MSRA: variants seen among roughly 807,000 people sequenced by gnomAD.
MSRA encodes methionine sulfoxide reductase A.
In MSRA, 54 loss-of-function variants were observed where a neutral mutation model predicts 31.3. That is an observed-to-expected ratio of 1.73 (90% CI 1.39 to 2.17). MSRA has a LOEUF of 2.17. Ranked by LOEUF, MSRA falls within the 30% of genes most tolerant of loss-of-function variation. The pLI, the probability that MSRA is intolerant of heterozygous loss-of-function variation, is 0.00. For missense variants in MSRA, 507 were observed against 300.9 expected (o/e 1.69, Z -5.07); for synonymous variants, 169 against 116.5 (o/e 1.45, Z -2.90).
intron 1 of MSRA, among the ~76,000 whole-genome samples, chr8:10,068,259 G>A (rs115695928): frequency 2.0e-5 from 3 of 152,192 alleles, no homozygotes; most frequent in Non-Finnish European, 4.4e-5. Flanking sequence ...TTTTTTCCCA[G>A]CCTGTGGCTT....
At chr8:10,345,017 T>A (rs1287917721) in intron 5 of MSRA, among the ~76,000 whole-genome samples, 2 of 152,126 alleles carry the variant, frequency 1.3e-5, no homozygotes, top group Non-Finnish European at 2.9e-5. Context: ...AGGGCTCAGT[T>A]GGGAAGATGG....
chr8:10,338,321 TAGAA>T (rs1316876940), intron 5 of MSRA, among the ~76,000 whole-genome samples: 1 of 152,074 alleles, frequency 6.6e-6, no homozygotes, highest in African/African-American at 2.4e-5. Flanking sequence ...AAGCAGGGAA[TAGAA>T]AGGCCAGAGG....
intron 2 of MSRA, among the ~76,000 whole-genome samples, chr8:10,218,133 T>C (rs1032014446): frequency 6.8e-6 from 1 of 146,406 alleles, no homozygotes; most frequent in African/African-American, 2.6e-5. Context: ...TATTTATTTA[T>C]TTATTTATTT....
At chr8:10,173,022 T>A (rs779346456) in intron 1 of MSRA, among the ~76,000 whole-genome samples, 1 of 152,178 alleles carries the variant, frequency 6.6e-6, no homozygotes, top group South Asian at 2.1e-4. Context: ...AAGAATATTC[T>A]AGGTGGAGAG....
chr8:10,054,434 G>C lies in MSRA; in HGVS notation c.-83G>C, dbSNP rs1022338388. 84 of 1,350,876 alleles carry C rather than the reference G, an allele frequency of 6.2e-5. No homozygotes were observed. Among genetic ancestry groups the C allele is most frequent in the Non-Finnish European group, 7.8e-5 (80 of 1,030,618 alleles). 83.7% of individuals were successfully genotyped at this position (1,350,876 alleles called of 1,614,324 possible). Reference sequence around the variant, plus strand: ...CTGCCGCCCCCCGGTTCCGGCCGCGGACCCCACTCTCTGCCGTTCCGGCTG... The same window carrying C: ...CTGCCGCCCCCCGGTTCCGGCCGCGCACCCCACTCTCTGCCGTTCCGGCTG... On this transcript the variant is annotated 5_prime_UTR_variant, in exon 1 of 6. Coordinates refer to ENST00000317173, the MANE Select transcript of MSRA (RefSeq NM_012331.5).
At chr8:10,111,766 T>A (rs990234880) in intron 1 of MSRA, among the ~76,000 whole-genome samples, 2 of 152,184 alleles carry the variant, frequency 1.3e-5, no homozygotes, top group Non-Finnish European at 2.9e-5. Flanking sequence ...AGAGAACTTC[T>A]TTTGGTTCAC....
intron 1 of MSRA, among the ~76,000 whole-genome samples, chr8:10,072,620 C>T (rs1797792823): frequency 6.6e-6 from 1 of 152,192 alleles, no homozygotes; most frequent in African/African-American, 2.4e-5. Flanking sequence ...TCCAAATAAA[C>T]ATCAGAATAA....
chr8:10,352,818 T>G (rs117824086), intron 5 of MSRA, among the ~76,000 whole-genome samples: 3 of 152,110 alleles, frequency 2.0e-5, no homozygotes, highest in Non-Finnish European at 2.9e-5. Context: ...AGCCAGTGTT[T>G]TGGAGAGTCA....
intron 1 of MSRA, among the ~76,000 whole-genome samples, chr8:10,075,335 C>G (rs1428423624): frequency 6.6e-6 from 1 of 152,092 alleles, no homozygotes; most frequent in Admixed American, 6.6e-5. Flanking sequence ...ATAATTCAGG[C>G]CAATAGGTAT....
At chr8:10,085,042 A>T (rs571523820) in intron 1 of MSRA, among the ~76,000 whole-genome samples, 5 of 152,208 alleles carry the variant, frequency 3.3e-5, no homozygotes, top group Admixed American at 6.5e-5. Flanking sequence ...AAATCGTACT[A>T]TGGTTTTAAA....
intron 2 of MSRA, among the ~76,000 whole-genome samples, chr8:10,217,104 G>T (rs1396832359): frequency 1.3e-5 from 2 of 152,074 alleles, no homozygotes; most frequent in Non-Finnish European, 2.9e-5. Context: ...CATCCTAATG[G>T]GTGTGAAATG....
chr8:10,371,295 A>G (rs1255122512), intron 5 of MSRA, among the ~76,000 whole-genome samples: 1 of 152,030 alleles, frequency 6.6e-6, no homozygotes, highest in Admixed American at 6.5e-5. Context: ...GAACACCCCT[A>G]TATTATGGGA....
chr8:10,266,208 T>A (rs765317076), intron 3 of MSRA, among the ~76,000 whole-genome samples: 1 of 152,236 alleles, frequency 6.6e-6, no homozygotes, highest in Non-Finnish European at 1.5e-5. Flanking sequence ...TATATTCCCA[T>A]CAGCAGTGTA....
chr8:10,098,272 A>C (rs537315830), intron 1 of MSRA, among the ~76,000 whole-genome samples: 1 of 152,204 alleles, frequency 6.6e-6, no homozygotes, highest in Non-Finnish European at 1.5e-5. Flanking sequence ...TTTGAATTGT[A>C]TAATATTTTG....
intron 1 of MSRA, among the ~76,000 whole-genome samples, chr8:10,119,888 G>C (rs1800981046): frequency 6.6e-6 from 1 of 152,198 alleles, no homozygotes; most frequent in Admixed American, 6.5e-5. Flanking sequence ...GGTGTGGTCA[G>C]GATTAAGAGA....
At chr8:10,189,266 T>G (rs1719310168) in intron 1 of MSRA, among the ~76,000 whole-genome samples, 1 of 152,210 alleles carries the variant, frequency 6.6e-6, no homozygotes, top group South Asian at 2.1e-4. Context: ...TCCTTAGGAT[T>G]TTTTACTTAC....
chr8:10,156,794 C>T (rs1054417439), intron 1 of MSRA, among the ~76,000 whole-genome samples: 13 of 145,060 alleles, frequency 9.0e-5, no homozygotes, highest in Admixed American at 7.6e-4. Flanking sequence ...GGTTCTGTAT[C>T]GATAAGCTTC....
intron 3 of MSRA, among the ~76,000 whole-genome samples, chr8:10,291,676 C>T (rs1800243796): frequency 6.6e-6 from 1 of 152,028 alleles, no homozygotes; most frequent in East Asian, 1.9e-4. Flanking sequence ...CACCCTCGCC[C>T]CTTTCTCCCT....
intron 1 of MSRA, among the ~76,000 whole-genome samples, chr8:10,181,852 T>G (rs1806571983): frequency 1.3e-5 from 2 of 152,234 alleles, no homozygotes; most frequent in African/African-American, 2.4e-5. Context: ...CCTTGGGTCA[T>G]GTACCTGCAT....
Sources: allele counts gnomAD v4.1 joint callset (sites outside exome capture counted in the v4.1 genomes callset), GRCh38; gene constraint gnomAD v4.1.1; transcripts MANE v1.5; gene names NCBI Gene and HGNC (gene_info 2026-07-23, HGNC 2026-07-21).